The following HHLA2 variants were observed in gnomAD, a reference collection of about 807,000 sequenced individuals.
HHLA2 encodes HHLA2 member of B7 family.
Under a neutral mutation model 45.9 loss-of-function variants are expected in HHLA2, and 48 were observed. The ratio of observed to expected loss-of-function variants is 1.05; its 90% CI spans 0.83 to 1.33. HHLA2 has a LOEUF of 1.33. HHLA2 is among the 40% of genes most tolerant of loss of function. HHLA2 has a pLI of 0.00. For missense variants in HHLA2, 462 were observed against 494.3 expected, an observed-to-expected ratio of 0.93 and a Z score of 0.62; for synonymous variants, 161 against 173.9, an observed-to-expected ratio of 0.93 and a Z score of 0.59.
chr3:108,367,612 T>C (rs147285633), intron 8 of HHLA2, among the ~76,000 whole-genome samples: 7,381 of 151,760 alleles, frequency 0.049, 249 homozygotes, highest in South Asian at 0.083. Flanking sequence ...TATCAGAGAC[T>C]GAAGATCAAC....
At chr3:108,313,127 A>G (rs1259346371) in intron 2 of HHLA2, among the ~76,000 whole-genome samples, 2 of 152,226 alleles carry the variant, frequency 1.3e-5, no homozygotes. Flanking sequence ...CAAGAGTATC[A>G]ATACCTGTGG....
chr3:108,302,734 G>A (rs1004691669), intron 1 of HHLA2: 1 of 152,222 alleles, frequency 6.6e-6, no homozygotes, highest in Non-Finnish European at 1.5e-5. Context: ...TAGTTTTACT[G>A]TTGGAAGCCT....
intron 3 of HHLA2, among the ~76,000 whole-genome samples, chr3:108,336,572 A>G (rs948978695): frequency 6.6e-6 from 1 of 152,174 alleles, no homozygotes; most frequent in Non-Finnish European, 1.5e-5. Context: ...GGGACAACAA[A>G]TGGCAGAAAG....
At chr3:108,341,369 G>T (rs1407639209) in intron 3 of HHLA2, among the ~76,000 whole-genome samples, 1 of 152,000 alleles carries the variant, frequency 6.6e-6, no homozygotes, top group Non-Finnish European at 1.5e-5. Flanking sequence ...AAGTTAATGT[G>T]GTTTTTCTGT....
At chr3:108,318,489 T>C (rs1211025353) in intron 2 of HHLA2, among the ~76,000 whole-genome samples, 1 of 152,202 alleles carries the variant, frequency 6.6e-6, no homozygotes, top group Non-Finnish European at 1.5e-5. Context: ...AATTCACCAG[T>C]TATATTGGAA....
At chr3:108,376,143 A>G (rs189495272) in intron 9 of HHLA2, among the ~76,000 whole-genome samples, 212 of 152,284 alleles carry the variant, frequency 1.4e-3, no homozygotes, top group Admixed American at 2.8e-3. Flanking sequence ...GAGAAATGAC[A>G]TATCCCTTTT....
intron 8 of HHLA2, among the ~76,000 whole-genome samples, chr3:108,372,736 G>C (rs1576186746): frequency 6.6e-6 from 1 of 152,190 alleles, no homozygotes; most frequent in African/African-American, 2.4e-5. Context: ...AGAAGAAATG[G>C]ATAAATTCCT....
chr3:108,303,631 T>C (rs2080883438), intron 1 of HHLA2, among the ~76,000 whole-genome samples: 1 of 152,248 alleles, frequency 6.6e-6, no homozygotes, highest in Admixed American at 6.5e-5. Flanking sequence ...GAAGTTTTCC[T>C]TTCTGTTCTT....
rs1368200948 is a variant in HHLA2 at position 108,373,834 on chromosome 3, C to G, written c.1109-1916C>G. 1.7e-3 allele frequency among the ~76,000 whole-genome samples: 253 copies of G among 151,908 alleles called. 1 individual carries two copies. The highest frequency in any genetic ancestry group is 5.8e-3 in the African/African-American group (241 of 41,440). On this transcript the variant is annotated intron_variant, in intron 8 of 10. Coordinates refer to ENST00000619531, the Ensembl canonical transcript of HHLA2. ...CTGCTCAATGAAATAAAAGAGGATACAAACAAATGGAAGAACATTCCATGC... is the reference window on the plus strand; with the variant it reads ...CTGCTCAATGAAATAAAAGAGGATAGAAACAAATGGAAGAACATTCCATGC...
intron 2 of HHLA2, among the ~76,000 whole-genome samples, chr3:108,314,034 T>C (rs2081063517): frequency 6.6e-6 from 1 of 152,210 alleles, no homozygotes; most frequent in Non-Finnish European, 1.5e-5. Context: ...CTTTCTCTTC[T>C]GAGTTCCATC....
At chr3:108,316,683 G>GA (rs561893423) in intron 2 of HHLA2, among the ~76,000 whole-genome samples, 62 of 152,054 alleles carry the variant, frequency 4.1e-4, no homozygotes, top group Non-Finnish European at 5.3e-4. Context: ...CTTTATCAAA[G>GA]AAAAAATGTG....
At chr3:108,301,165 C>T (rs80308705) in intron 1 of HHLA2, among the ~76,000 whole-genome samples, 2,280 of 152,134 alleles carry the variant, frequency 0.015, 35 homozygotes, top group Non-Finnish European at 0.023. Flanking sequence ...TTGAATTTAG[C>T]GTTTTATTTT....
At chr3:108,308,686 C>A (rs1362424451) in intron 1 of HHLA2, among the ~76,000 whole-genome samples, 1 of 152,118 alleles carries the variant, frequency 6.6e-6, no homozygotes, top group Non-Finnish European at 1.5e-5. Flanking sequence ...TATTGCCTGT[C>A]TTTTGGATAG....
chr3:108,310,432 T>C (rs1339919366), intron 1 of HHLA2, among the ~76,000 whole-genome samples: 3 of 152,172 alleles, frequency 2.0e-5, no homozygotes, highest in Admixed American at 6.5e-5. Flanking sequence ...TCCCCTCTTA[T>C]TGGAAAAAAT....
At chr3:108,311,265 C>T (rs2081014147) in intron 2 of HHLA2, among the ~76,000 whole-genome samples, 1 of 152,156 alleles carries the variant, frequency 6.6e-6, no homozygotes, top group African/African-American at 2.4e-5. Context: ...CAAGTACTGA[C>T]ACAACTTTGC....
intron 3 of HHLA2, among the ~76,000 whole-genome samples, chr3:108,332,865 C>G (rs901179859): frequency 6.6e-6 from 1 of 152,138 alleles, no homozygotes; most frequent in East Asian, 1.9e-4. Flanking sequence ...ACCTTAGAAT[C>G]CTTCCCTCAA....
chr3:108,357,897 A>C lies in HHLA2; in HGVS notation c.739A>C (p.Asn247His). The stretch of plus-strand genomic sequence containing the variant: ...CGTTTCACTCTCATGTCAACCTGTA[A>C]ATGATTATTTTTCACCAAACCAAGA... Residue 247 changes from asparagine to histidine, a missense_variant, in exon 7 of 11, where the codon AAT becomes CAT. By Grantham distance (68) the Asn-to-His change is moderately conservative. Transcript: ENST00000619531. The C allele has an allele frequency of 6.2e-7, 1 of 1,613,800 alleles. No homozygotes were observed. Among genetic ancestry groups the C allele is most frequent in the Non-Finnish European group, 8.5e-7 (1 of 1,179,792 alleles).
rs2081559168 is a variant in HHLA2, at chr3:108,340,913, TTCCTTCC to T, written c.-26-10873_-26-10867del. ...CTCTTTTCTTTTTTTTTTTTTTTCC[TTCCTTCC>T]TTCCTTCCTTCCTTCCTTCCTTCCT... is the stretch of plus-strand genomic sequence containing the variant. On this transcript the variant is annotated intron_variant, in intron 3 of 10. Coordinates refer to ENST00000619531, the Ensembl canonical transcript of HHLA2. Among the ~76,000 whole-genome samples, 146 of 39,388 alleles carry T rather than the reference TTCCTTCC, an allele frequency of 3.7e-3. 2 individuals carry two copies. The highest frequency in any genetic ancestry group is 0.036 in the African/African-American group (138 of 3,842). 25.8% of individuals were successfully genotyped at this position (39,388 alleles called of 152,430 possible). A position where few individuals can be genotyped will look rare whatever the true frequency, so the allele number is the denominator to read the frequency against.
intron 2 of HHLA2, among the ~76,000 whole-genome samples, chr3:108,321,090 T>TAAAAAAAAA (rs2081191366): frequency 1.1e-4 from 1 of 9,426 alleles, no homozygotes; most frequent in Non-Finnish European, 7.1e-4. Flanking sequence ...CTCCAGGTGT[T>TAAAAAAAAA]TAAAAAAAAA....
Sources: allele counts gnomAD v4.1 joint callset (sites outside exome capture counted in the v4.1 genomes callset), GRCh38; gene constraint gnomAD v4.1.1; transcripts MANE v1.5; gene names NCBI Gene and HGNC (gene_info 2026-07-23, HGNC 2026-07-21).